The following SNTG1 variants were observed in gnomAD, a reference collection of about 807,000 sequenced individuals.
The protein encoded by SNTG1 is gamma-1-syntrophin.
Under a neutral mutation model 74.7 loss-of-function variants are expected in SNTG1, and 39 were observed. That is an observed-to-expected ratio of 0.52 (90% CI 0.40 to 0.68). SNTG1 has a LOEUF of 0.68. SNTG1 is among the 30% of genes least tolerant of loss of function. SNTG1 has a pLI of 0.00. For missense variants in SNTG1, 685 were observed against 609.5 expected, an observed-to-expected ratio of 1.12 and a Z score of -1.30; for synonymous variants, 254 against 217.1, an observed-to-expected ratio of 1.17 and a Z score of -1.49.
At chr8:50,728,341 A>G (rs1246381725) in intron 17 of SNTG1, among the ~76,000 whole-genome samples, 1 of 152,198 alleles carries the variant, frequency 6.6e-6, no homozygotes, top group Non-Finnish European at 1.5e-5. Context: ...ATGATGCTCC[A>G]GCACCTCTTT....
At chr8:50,548,151 A>G (rs2094401019) in intron 11 of SNTG1, among the ~76,000 whole-genome samples, 1 of 152,182 alleles carries the variant, frequency 6.6e-6, no homozygotes, top group Non-Finnish European at 1.5e-5. Flanking sequence ...TGCCAGGAAG[A>G]AAAGGGTATT....
intron 2 of SNTG1, among the ~76,000 whole-genome samples, chr8:50,264,201 A>G (rs2087337281): frequency 6.6e-6 from 1 of 152,184 alleles, no homozygotes. Context: ...CAAAAACACT[A>G]CATTATAGCT....
chr8:50,098,986 C>T (rs2080030443), intron 1 of SNTG1, among the ~76,000 whole-genome samples: 1 of 152,016 alleles, frequency 6.6e-6, no homozygotes, highest in African/African-American at 2.4e-5. Context: ...AACAACGGGC[C>T]ACAATCCATC....
intron 2 of SNTG1, among the ~76,000 whole-genome samples, chr8:50,279,176 A>G (rs939638459): frequency 6.6e-6 from 1 of 152,180 alleles, no homozygotes; most frequent in Non-Finnish European, 1.5e-5. Context: ...ATTGAGAAAA[A>G]TAAGTTGATT....
intron 2 of SNTG1, among the ~76,000 whole-genome samples, chr8:50,352,366 T>A (rs938749998): frequency 2.0e-5 from 3 of 151,754 alleles, no homozygotes; most frequent in Non-Finnish European, 4.4e-5. Context: ...ACATCTGACA[T>A]CCTCCTTATG....
In SNTG1 at chr8:50,583,018, A is replaced by G. The variant is rs1008032559; in HGVS notation, c.811-7861A>G. Among the ~76,000 whole-genome samples, 14 of 152,286 alleles carry G rather than the reference A, an allele frequency of 9.2e-5. No homozygotes were observed. In the South Asian group the frequency reaches 2.7e-3, roughly 29 times the overall value. ...TTAAAAAAATTGAATTTTATATTTTATGTTCTTAAAAAAATAAGAACTTAA... is the reference window on the plus strand; with the variant it reads ...TTAAAAAAATTGAATTTTATATTTTGTGTTCTTAAAAAAATAAGAACTTAA... On this transcript the variant is annotated intron_variant, in intron 12 of 18. Coordinates refer to ENST00000642720, the MANE Select transcript of SNTG1 (RefSeq NM_018967.5).
chr8:50,104,961 G>C (rs1054062459), intron 1 of SNTG1, among the ~76,000 whole-genome samples: 3 of 152,016 alleles, frequency 2.0e-5, no homozygotes, highest in Admixed American at 1.3e-4. Context: ...TGCAGAATTT[G>C]CAAATATTTT....
intron 1 of SNTG1, among the ~76,000 whole-genome samples, chr8:50,041,649 G>A (rs1818650605): frequency 6.6e-6 from 1 of 152,064 alleles, no homozygotes; most frequent in Non-Finnish European, 1.5e-5. Context: ...ACAGCTGCAG[G>A]AAATCTGTTA....
At chr8:50,226,876 CAG>C (rs2085355836) in intron 2 of SNTG1, among the ~76,000 whole-genome samples, 2 of 152,128 alleles carry the variant, frequency 1.3e-5, no homozygotes, top group African/African-American at 4.8e-5. Flanking sequence ...AAATATTTTA[CAG>C]AGTTTGACTC....
At chr8:50,035,586 T>C (rs1304361590) in intron 1 of SNTG1, among the ~76,000 whole-genome samples, 3 of 152,196 alleles carry the variant, frequency 2.0e-5, no homozygotes. Flanking sequence ...GACTGTGCCT[T>C]CAGGAAATGT....
intron 18 of SNTG1, among the ~76,000 whole-genome samples, chr8:50,787,689 T>C (rs1388620275): frequency 1.3e-5 from 2 of 152,010 alleles, no homozygotes; most frequent in African/African-American, 2.4e-5. Flanking sequence ...GTACTATCTA[T>C]GCCACAACAT....
intron 4 of SNTG1, among the ~76,000 whole-genome samples, chr8:50,414,714 G>A (rs115059792): frequency 3.3e-4 from 50 of 152,116 alleles, no homozygotes; most frequent in African/African-American, 1.2e-3. Flanking sequence ...TCAAAGGAGT[G>A]TTAGACTCAA....
chr8:50,386,051 A>G (rs950916812), intron 2 of SNTG1, among the ~76,000 whole-genome samples: 1 of 152,202 alleles, frequency 6.6e-6, no homozygotes, highest in African/African-American at 2.4e-5. Flanking sequence ...AAGGTAAGTT[A>G]AAGGTAGTTC....
chr8:50,614,513 A>G (rs1180520656), intron 13 of SNTG1, among the ~76,000 whole-genome samples: 1 of 152,076 alleles, frequency 6.6e-6, no homozygotes, highest in East Asian at 1.9e-4. Context: ...TAATTGGAGT[A>G]TGTTGTGACA....
intron 12 of SNTG1, among the ~76,000 whole-genome samples, chr8:50,579,484 C>T (rs1026994390): frequency 1.3e-5 from 2 of 152,104 alleles, no homozygotes; most frequent in African/African-American, 2.4e-5. Flanking sequence ...GTCTTCAGGG[C>T]GTGTCAGAGA....
In SNTG1 at chr8:50,267,506, T is replaced by A. The variant is rs554776460; in HGVS notation, c.-28+94871T>A. Among the ~76,000 whole-genome samples the A allele has an allele frequency of 3.9e-5, 6 of 152,260 alleles. No homozygotes were observed. In the South Asian group the frequency reaches 8.3e-4, roughly 21 times the overall value. On this transcript the variant is annotated intron_variant, in intron 2 of 18. Coordinates refer to ENST00000642720, the MANE Select transcript of SNTG1 (RefSeq NM_018967.5). ...GCTATAATAATAAAGTGATAGGCAATACCTACAGTTGGTGAGGTTGAGAAA... is the reference window on the plus strand; with the variant it reads ...GCTATAATAATAAAGTGATAGGCAAAACCTACAGTTGGTGAGGTTGAGAAA...
chr8:50,392,906 C>A (rs1187355459), intron 2 of SNTG1, among the ~76,000 whole-genome samples: 2 of 152,064 alleles, frequency 1.3e-5, no homozygotes, highest in African/African-American at 2.4e-5. Context: ...ATCCTCATGT[C>A]TATTTCTCTG....
In SNTG1 at chr8:50,779,655, G is replaced by A. The variant is rs561053784; in HGVS notation, c.1396-13016G>A. Reference sequence around the variant, plus strand: ...ACAATCATGTCATCTGCAAACAGGGGCAATTTGACTTCCTCTTTTCCTAAT... The same window carrying A: ...ACAATCATGTCATCTGCAAACAGGGACAATTTGACTTCCTCTTTTCCTAAT... On this transcript the variant is annotated intron_variant, in intron 18 of 18. Coordinates refer to ENST00000642720, the MANE Select transcript of SNTG1 (RefSeq NM_018967.5). Among the ~76,000 whole-genome samples the A allele has an allele frequency of 1.3e-4, 19 of 149,168 alleles. 1 individual carries two copies. The East Asian group carries it at 2.1e-3, about 17-fold the overall frequency.
chr8:50,009,210 A>G (rs1815535131), intron 1 of SNTG1, among the ~76,000 whole-genome samples: 1 of 152,162 alleles, frequency 6.6e-6, no homozygotes, highest in African/African-American at 2.4e-5. Flanking sequence ...TGATTTTTAT[A>G]TAGCATGTTG....
Sources: allele counts gnomAD v4.1 joint callset (sites outside exome capture counted in the v4.1 genomes callset), GRCh38; gene constraint gnomAD v4.1.1; transcripts MANE v1.5; gene names NCBI Gene and HGNC (gene_info 2026-07-23, HGNC 2026-07-21).